Variants in DDX19A observed in about 807,000 individuals in gnomAD.
The protein encoded by DDX19A is DEAD-box helicase 19A.
A neutral mutation model predicts 60.6 loss-of-function variants in DDX19A; 12 were observed. That is an observed-to-expected ratio of 0.20 (90% CI 0.13 to 0.32). The LOEUF (loss-of-function observed/expected upper bound fraction) is 0.32, where lower values mean the gene tolerates loss of function less well. Ranked by LOEUF, DDX19A falls within the 10% of genes least tolerant of loss-of-function variation. The probability of loss-of-function intolerance (pLI) is 1.00; values close to 1 mark genes in which losing one functional copy is unlikely to be tolerated. For synonymous variants in DDX19A, 206 were observed against 218.2 expected (o/e 0.94, Z 0.49); for missense variants, 337 against 600.6 (o/e 0.56, Z 4.59).
rs71151183 is a variant in DDX19A, at chr16:70,357,366, G to GTTTTTTTTTTT, written c.293+1145_293+1155dup. 2.9e-3 allele frequency among the ~76,000 whole-genome samples: 129 copies of GTTTTTTTTTTT among 44,582 alleles called. 48 individuals are homozygous for GTTTTTTTTTTT. Among genetic ancestry groups the GTTTTTTTTTTT allele is most frequent in the East Asian group, 4.4e-3 (6 of 1,370 alleles). The allele number at this position is 44,582 out of a possible 152,430, so 29.2% of individuals were successfully genotyped here. A position where few individuals can be genotyped will look rare whatever the true frequency, so the allele number is the denominator to read the frequency against. On this transcript the variant is annotated intron_variant, in intron 4 of 11. Transcript: ENST00000302243. ...AATCTGTCAAATCTGTTTTTGGTTT[G>GTTTTTTTTTTT]TTTTTTTTTTTTTTTTTTTTTTTTT...
chr16:70,371,848 C>G lies in DDX19A; in HGVS notation c.1376-77C>G, dbSNP rs2634412. ...TGCTTAGGCACCCGGAGCCTTTGGG[C>G]CTGAATGAATGATTGCTGTGGCCTG... is the stretch of plus-strand genomic sequence containing the variant. On this transcript the variant is annotated intron_variant, in intron 11 of 11. Transcript: ENST00000302243. 371 of 1,611,200 alleles carry G rather than the reference C, an allele frequency of 2.3e-4. No individual in the cohort carries two copies. The African/African-American group carries it at 3.2e-3, about 14-fold the overall frequency.
Position 70,371,987 on chromosome 16 carries a change from G to A in DDX19A, c.*1G>A, listed in dbSNP as rs765045880. On this transcript the variant is annotated 3_prime_UTR_variant, in exon 12 of 12. Coordinates refer to ENST00000302243, the MANE Select transcript of DDX19A (RefSeq NM_018332.5). ...CGAGATTGAGAAAATAGCCAACTGA[G>A]AAGCTCCACCAGCCACTGATGCCAG... 6.2e-7 allele frequency: 1 copy of A among 1,613,996 alleles called. No individual in the cohort carries two copies. Among genetic ancestry groups the A allele is most frequent in the South Asian group, 1.1e-5 (1 of 91,080 alleles).
At position 70,370,328 on chromosome 16, in the gene DDX19A, G is replaced by C; in HGVS notation, c.1126G>C (p.Glu376Gln). ...GGTGGAGCAGAGGGCTGCGGTGATT[G>C]AGCGCTTCCGAGAGGGCAAAGAGAA... ...MMVEQRAAVI[E>Q]RFREGKEKVL... Residue 376 changes from glutamate to glutamine, a missense_variant, in exon 10 of 12, where the codon GAG becomes CAG. Around this residue, in one of 6 missense-constraint regions of DDX19A, gnomAD observed 117 missense variants for 274.3 expected, o/e 0.43. Transcript: ENST00000302243. The C allele has an allele frequency of 6.2e-7, 1 of 1,613,984 alleles. No individual in the cohort carries two copies. Among genetic ancestry groups the C allele is most frequent in the South Asian group, 1.1e-5 (1 of 91,066 alleles).
chr16:70,361,375 T>A (rs1445235912), intron 4 of DDX19A, 43 bp from the exon 5 acceptor site: 3 of 1,423,330 alleles, frequency 2.1e-6, no homozygotes, highest in Non-Finnish European at 3.0e-6. Context: ...CTAAAACAAT[T>A]CTAACTTCTA....
intron 2 of DDX19A, 52 bp downstream of exon 2, chr16:70,350,657 T>C (rs1185795113): frequency 5.2e-6 from 7 of 1,342,492 alleles, no homozygotes; most frequent in Middle Eastern, 1.8e-4. Flanking sequence ...GGGCCGCTGC[T>C]TTGCACTCAT....
At chr16:70,368,386 C>T (rs758445088) in intron 9 of DDX19A, among the ~76,000 whole-genome samples, 21 of 151,898 alleles carry the variant, frequency 1.4e-4, no homozygotes, top group Non-Finnish European at 2.9e-4. Flanking sequence ...AATTCTCCTG[C>T]CCCAGCCTCC....
At chr16:70,355,372 G>A (rs762113988) in intron 2 of DDX19A, 113 bp from the exon 3 acceptor site, 54 of 842,956 alleles carry the variant, frequency 6.4e-5, no homozygotes, top group Non-Finnish European at 8.5e-5. Flanking sequence ...GGAAAACTCC[G>A]TCTGAAAAAT....
chr16:70,356,268 A>G (rs752819988), intron 4 of DDX19A, 21 bp downstream of exon 4: 2 of 1,613,490 alleles, frequency 1.2e-6, no homozygotes, highest in African/African-American at 1.3e-5. Context: ...GCTCCTTTCA[A>G]CAGCTCTTCG....
chr16:70,369,620 CTTT>C (rs139116601), intron 9 of DDX19A, among the ~76,000 whole-genome samples: 1 of 130,886 alleles, frequency 7.6e-6, no homozygotes, highest in Non-Finnish European at 1.7e-5. Flanking sequence ...TTCTTTTCTT[CTTT>C]TTTTTTTTTT....
intron 9 of DDX19A, 121 bp downstream of exon 9, chr16:70,366,982 A>C: frequency 8.5e-7 from 1 of 1,170,928 alleles, no homozygotes. Flanking sequence ...TTGAAGATGT[A>C]AGAGACAGGC....
rs2047311306 is a variant in DDX19A, at chr16:70,373,355, T to C, written c.*1369T>C. 1 of 152,242 alleles carries C rather than the reference T, an allele frequency of 6.6e-6. No homozygotes were observed. Among genetic ancestry groups the C allele is most frequent in the South Asian group, 2.1e-4 (1 of 4,834 alleles). The allele number at this position is 152,242 out of a possible 1,614,324, so 9.4% of individuals were successfully genotyped here. On this transcript the variant is annotated 3_prime_UTR_variant, in exon 12 of 12. Transcript: ENST00000302243. ...TTTTTATTTGTATTTTTCTGCTTAT[T>C]AGACAAATATATACTCATTTTAAAA...
chr16:70,346,974 T>A lies in DDX19A; in HGVS notation c.-18T>A, dbSNP rs548182317. The A allele has an allele frequency of 6.2e-7, 1 of 1,609,900 alleles. No individual in the cohort carries two copies. The highest frequency in any genetic ancestry group is 2.2e-5 in the East Asian group (1 of 44,800). ...TGCAGCGCATATTTTCACAAGTGGG[T>A]CTCCCTTGTCCGGGACTATGGCCAC... is the stretch of plus-strand genomic sequence containing the variant. On this transcript the variant is annotated 5_prime_UTR_variant, in exon 1 of 12. Transcript: ENST00000302243.
At position 70,370,273 on chromosome 16, in the gene DDX19A, C is replaced by T; in HGVS notation, c.1071C>T (p.His357=). 6.2e-7 allele frequency: 1 copy of T among 1,614,074 alleles called. No homozygotes were observed. Among genetic ancestry groups the T allele is most frequent in the Non-Finnish European group, 8.5e-7 (1 of 1,180,004 alleles). ...WLAAELSKEG[H]QVALLSGEMM... The stretch of plus-strand genomic sequence containing the variant: ...CAGCAGAGCTCTCAAAAGAAGGCCA[C>T]CAGGTGGCTCTGCTGAGTGGGGAGA... The change falls in exon 10 of 12, where the codon CAC becomes CAT. Residue 357 remains histidine (H), a synonymous_variant. Coordinates refer to ENST00000302243, the MANE Select transcript of DDX19A (RefSeq NM_018332.5).
At chr16:70,356,853 A>T (rs1232263744) in intron 4 of DDX19A, 13 of 1,266,700 alleles carry the variant, frequency 1.0e-5, no homozygotes, top group Non-Finnish European at 1.3e-5. Context: ...TAGAACTTTC[A>T]ATAAAATATT....
Position 70,360,321 on chromosome 16 carries a change from C to CT in DDX19A, c.294-1080dup, listed in dbSNP as rs1555552998. Among the ~76,000 whole-genome samples the CT allele has an allele frequency of 7.8e-3, 1,040 of 133,508 alleles. 14 individuals are homozygous for CT. Among genetic ancestry groups the CT allele is most frequent in the African/African-American group, 0.019 (711 of 36,724 alleles). The allele number at this position is 133,508 out of a possible 152,430, so 87.6% of individuals were successfully genotyped here. On this transcript the variant is annotated intron_variant, in intron 4 of 11. Transcript: ENST00000302243. The stretch of plus-strand genomic sequence containing the variant: ...TTTTTTCTTTTTTCTTTCTTTCTTT[C>CT]TTTTTTTTTTTTTTTTTAAGAGATG...
At chr16:70,368,818 C>G (rs991220059) in intron 9 of DDX19A, among the ~76,000 whole-genome samples, 2 of 152,196 alleles carry the variant, frequency 1.3e-5, no homozygotes, top group African/African-American at 4.8e-5. Context: ...AGAATTTCCT[C>G]ACCTTTATTT....
chr16:70,356,647 C>T (rs1002901438), intron 4 of DDX19A, among the ~76,000 whole-genome samples: 9 of 151,876 alleles, frequency 5.9e-5, no homozygotes, highest in South Asian at 2.1e-4. Context: ...CGTGAGCCAC[C>T]GTGCCTGGCT....
chr16:70,355,702 C>T (rs1567651002), intron 3 of DDX19A, 167 bp downstream of exon 3: 2 of 636,274 alleles, frequency 3.1e-6, no homozygotes, highest in Non-Finnish European at 5.6e-6. Context: ...TAGCTCACAC[C>T]TGTAATCCCA....
chr16:70,350,450 T>C (rs1228982781), intron 1 of DDX19A, 107 bp from the exon 2 acceptor site: 8 of 692,106 alleles, frequency 1.2e-5, no homozygotes, highest in Non-Finnish European at 1.7e-5. Context: ...TGAATACTGG[T>C]GCTGAAAGTT....
Sources: allele counts gnomAD v4.1 joint callset (sites outside exome capture counted in the v4.1 genomes callset), GRCh38; gene constraint gnomAD v4.1.1; regional missense constraint gnomAD v4.1.1; transcripts MANE v1.5; gene names NCBI Gene and HGNC (gene_info 2026-07-23, HGNC 2026-07-21).